Variants in CFAP61 observed in about 807,000 individuals in gnomAD.
CFAP61 encodes the protein cilia- and flagella-associated protein 61.
In CFAP61, 107 loss-of-function variants were observed where a neutral mutation model predicts 135.6. The observed-to-expected ratio is 0.79, with a 90% CI of 0.67 to 0.93. CFAP61 has a LOEUF of 0.93. CFAP61 is among the 40% of genes least tolerant of loss of function. The pLI is 0.00. For missense variants in CFAP61, 1,507 were observed against 1,556.2 expected (o/e 0.97, Z 0.53); for synonymous variants, 575 against 578.5 (o/e 0.99, Z 0.09).
At position 20,169,458 on chromosome 20, in the gene CFAP61, C is replaced by T. The variant is rs142255939; in HGVS notation, c.1383C>T (p.Leu461=). The change falls in exon 13 of 27, where the codon CTC becomes CTT. Residue 461 remains leucine, a splice_region_variant and synonymous_variant. Transcript: ENST00000245957. The stretch of plus-strand genomic sequence containing the variant: ...ACGTCTTCCACCGGGCTGGATTGCT[C>T]AAGTGAGTAGACACATGTTTGGCCA... The part of the protein sequence containing the change: ...DLYVFHRAGL[L]KSINIRFATL... The T allele has an allele frequency of 6.2e-7, 1 of 1,610,574 alleles. No homozygotes were observed. The highest frequency in any genetic ancestry group is 8.5e-7 in the Non-Finnish European group (1 of 1,178,000).
Position 20,337,294 on chromosome 20 carries a change from A to ATGGG in CFAP61, c.3423-4534_3423-4533insGTGG, listed in dbSNP as rs1343584128. 6.9e-5 allele frequency among the ~76,000 whole-genome samples: 4 copies of ATGGG among 57,602 alleles called. 1 individual carries two copies. Among genetic ancestry groups the ATGGG allele is most frequent in the Non-Finnish European group, 1.1e-4 (3 of 27,688 alleles). 37.8% of individuals were successfully genotyped at this position (57,602 alleles called of 152,430 possible). A position where few individuals can be genotyped will look rare whatever the true frequency, so the allele number is the denominator to read the frequency against. The stretch of plus-strand genomic sequence containing the variant: ...GGTGGGTGGATGGATGGATGGATAG[A>ATGGG]TGGATGGATGGATGGATGGATGGAT... On this transcript the variant is annotated intron_variant, in intron 25 of 26. Transcript: ENST00000245957.
intron 19 of CFAP61, among the ~76,000 whole-genome samples, chr20:20,246,772 A>G (rs1211697782): frequency 6.6e-6 from 1 of 152,360 alleles, no homozygotes; most frequent in East Asian, 1.9e-4. Flanking sequence ...AAGAAATATT[A>G]GTTTCTCTGC....
intron 22 of CFAP61, among the ~76,000 whole-genome samples, chr20:20,283,443 G>A (rs555645019): frequency 6.6e-6 from 1 of 152,174 alleles, no homozygotes; most frequent in Non-Finnish European, 1.5e-5. Flanking sequence ...GTGTCTTTGT[G>A]TCTAAAGTGT....
intron 17 of CFAP61, among the ~76,000 whole-genome samples, chr20:20,217,894 A>G (rs932400199): frequency 6.6e-6 from 1 of 152,136 alleles, no homozygotes; most frequent in African/African-American, 2.4e-5. Context: ...TCAGAACATA[A>G]TCTGCAAATC....
chr20:20,235,124 C>T (rs905697305), intron 18 of CFAP61, among the ~76,000 whole-genome samples: 4 of 152,144 alleles, frequency 2.6e-5, no homozygotes, highest in South Asian at 2.1e-4. Context: ...GTGCTTCCCA[C>T]CCGCAGCTGC....
chr20:20,326,222 A>G (rs144999755), intron 25 of CFAP61, among the ~76,000 whole-genome samples: 108 of 152,268 alleles, frequency 7.1e-4, no homozygotes, highest in African/African-American at 2.2e-3. Context: ...TTGGTTTACT[A>G]TTCCTTTATT....
At chr20:20,355,936 T>A (rs1170229449) in intron 26 of CFAP61, among the ~76,000 whole-genome samples, 5 of 125,292 alleles carry the variant, frequency 4.0e-5, no homozygotes, top group African/African-American at 1.3e-4. Context: ...AGTGACACTG[T>A]GAGCAGAGAT....
chr20:20,175,240 C>T (rs1469880073), intron 13 of CFAP61, among the ~76,000 whole-genome samples: 1 of 152,248 alleles, frequency 6.6e-6, no homozygotes, highest in East Asian at 1.9e-4. Flanking sequence ...CTCCTTAGCA[C>T]CTGGCTTCCC....
chr20:20,083,328 G>T (rs532206362), intron 6 of CFAP61, among the ~76,000 whole-genome samples: 3 of 151,744 alleles, frequency 2.0e-5, no homozygotes. Context: ...ATAGTGGACC[G>T]TGGGGGCTGG....
chr20:20,056,210 C>T (rs952553837), intron 1 of CFAP61, among the ~76,000 whole-genome samples: 2 of 152,212 alleles, frequency 1.3e-5, no homozygotes, highest in South Asian at 2.1e-4. Flanking sequence ...CTTCAGGGCT[C>T]CAGTTTGGAG....
chr20:20,287,323 A>T (rs1363918943), intron 22 of CFAP61, among the ~76,000 whole-genome samples: 1 of 152,214 alleles, frequency 6.6e-6, no homozygotes, highest in African/African-American at 2.4e-5. Flanking sequence ...GAGATGATGG[A>T]TCTGAGTGCT....
At chr20:20,090,279 T>C (rs1239729437) in intron 6 of CFAP61, among the ~76,000 whole-genome samples, 1 of 152,192 alleles carries the variant, frequency 6.6e-6, no homozygotes, top group African/African-American at 2.4e-5. Context: ...ACCCTCCTCA[T>C]AGAGGTCCTC....
At chr20:20,108,579 C>T (rs1440526726) in intron 8 of CFAP61, among the ~76,000 whole-genome samples, 1 of 151,966 alleles carries the variant, frequency 6.6e-6, no homozygotes, top group Non-Finnish European at 1.5e-5. Flanking sequence ...CCTAATAAAA[C>T]ACATGTTATG....
chr20:20,189,078 G>A (rs922762518), intron 14 of CFAP61, among the ~76,000 whole-genome samples: 1 of 152,130 alleles, frequency 6.6e-6, no homozygotes, highest in Non-Finnish European at 1.5e-5. Flanking sequence ...TCATTCTACT[G>A]TTGAGGTCTT....
chr20:20,219,821 C>A (rs1400069215), intron 17 of CFAP61, among the ~76,000 whole-genome samples: 1 of 152,062 alleles, frequency 6.6e-6, no homozygotes, highest in Non-Finnish European at 1.5e-5. Context: ...AATAAATATA[C>A]ATTTGGTCTC....
In CFAP61 at chr20:20,178,912, T is replaced by C. The variant is rs1458380295; in HGVS notation, c.1386-9018T>C. Among the ~76,000 whole-genome samples, 3 of 152,308 alleles carry C rather than the reference T, an allele frequency of 2.0e-5. No individual in the cohort carries two copies. The East Asian group carries it at 5.8e-4, about 29-fold the overall frequency. On this transcript the variant is annotated intron_variant, in intron 13 of 26. Transcript: ENST00000245957. ...TTTTTGATTTAAACTGAAATACTAA[T>C]GGCTATCAAATTGTTTCATGATTCT...
At position 20,061,022 on chromosome 20, in the gene CFAP61, G is replaced by A. The variant is rs1013183; in HGVS notation, c.143+4226G>A. 2.2e-4 allele frequency among the ~76,000 whole-genome samples: 33 copies of A among 152,294 alleles called. 2 individuals are homozygous for A. In the East Asian group the frequency reaches 2.3e-3, roughly 11 times the overall value. On this transcript the variant is annotated intron_variant, in intron 2 of 26. Coordinates refer to ENST00000245957, the MANE Select transcript of CFAP61 (RefSeq NM_015585.4). Reference sequence around the variant, plus strand: ...CTTAGTTCAACCCAGGCAGCCCACAGAACCATGAGAGATAATAATTGCTAC... The same window carrying A: ...CTTAGTTCAACCCAGGCAGCCCACAAAACCATGAGAGATAATAATTGCTAC...
rs570861291 is a variant in CFAP61 at position 20,352,155 on chromosome 20, G to A, written c.3514-8055G>A. On this transcript the variant is annotated intron_variant, in intron 26 of 26. Coordinates refer to ENST00000245957, the MANE Select transcript of CFAP61 (RefSeq NM_015585.4). Reference sequence around the variant, plus strand: ...AGGAAACTTACAATCATGGTGGAAGGGGAAGCAAGCACCTTCTTCTCAAGG... The same window carrying A: ...AGGAAACTTACAATCATGGTGGAAGAGGAAGCAAGCACCTTCTTCTCAAGG... 1.0e-3 allele frequency among the ~76,000 whole-genome samples: 157 copies of A among 152,244 alleles called. 1 individual carries two copies. The highest frequency in any genetic ancestry group is 3.6e-3 in the African/African-American group (150 of 41,532).
At position 20,359,431 on chromosome 20, in the gene CFAP61, G is replaced by A. The variant is rs552477329; in HGVS notation, c.3514-779G>A. Among the ~76,000 whole-genome samples the A allele has an allele frequency of 4.6e-5, 7 of 152,116 alleles. No individual in the cohort carries two copies. The highest frequency in any genetic ancestry group is 1.9e-4 in the East Asian group (1 of 5,184). Reference sequence around the variant, plus strand: ...TGTAATCCCAGCACTTTGGGAGGCCGAGGTGGGCAGATCACCTGAGGTCGG... The same window carrying A: ...TGTAATCCCAGCACTTTGGGAGGCCAAGGTGGGCAGATCACCTGAGGTCGG... On this transcript the variant is annotated intron_variant, in intron 26 of 26. Transcript: ENST00000245957. This position sits in a 1 kb window ranked among gnomAD's most constrained non-coding sequence, Gnocchi z 4.0.
Sources: allele counts gnomAD v4.1 joint callset (sites outside exome capture counted in the v4.1 genomes callset), GRCh38; gene constraint gnomAD v4.1.1; non-coding constraint Gnocchi (gnomAD v3.1); transcripts MANE v1.5; gene names NCBI Gene and HGNC (gene_info 2026-07-23, HGNC 2026-07-21).